Variants in PPM1M observed in about 807,000 individuals in gnomAD.
PPM1M encodes protein phosphatase, Mg2+/Mn2+ dependent 1M.
PPM1M carries 44 observed loss-of-function variants against 50.8 expected under a neutral mutation model. The ratio of observed to expected loss-of-function variants is 0.87; its 90% CI spans 0.68 to 1.11. The LOEUF (loss-of-function observed/expected upper bound fraction) is 1.11, where lower values mean the gene tolerates loss of function less well. PPM1M is among the 50% of genes most tolerant of loss of function. The pLI, the probability that PPM1M is intolerant of heterozygous loss-of-function variation, is 0.00. For synonymous variants in PPM1M, 224 were observed against 242.9 expected (o/e 0.92, Z 0.72); for missense variants, 556 against 593.4 (o/e 0.94, Z 0.66).
Position 52,248,364 on chromosome 3 carries a change from T to A in PPM1M, c.825T>A (p.Gly275=). 6.2e-7 allele frequency: 1 copy of A among 1,613,058 alleles called. No individual in the cohort carries two copies. The highest frequency in any genetic ancestry group is 8.5e-7 in the Non-Finnish European group (1 of 1,179,538). Residue 275 remains glycine, a synonymous_variant, in exon 6 of 10, where the codon GGT becomes GGA. Transcript: ENST00000323588. The part of the protein sequence containing the change: ...LAFVYPELLA[G]EFTRLEFPRR... ...TTGTCTATCCTGAGCTTCTGGCTGGTGAGTTCACCCGACTGGAGTTCCCTC... is the reference window on the plus strand; with the variant it reads ...TTGTCTATCCTGAGCTTCTGGCTGGAGAGTTCACCCGACTGGAGTTCCCTC...
At chr3:52,248,097 C>A in intron 4 of PPM1M, 56 bp from the exon 5 acceptor site, 1 of 1,467,908 alleles carries the variant, frequency 6.8e-7, no homozygotes, top group Non-Finnish European at 9.4e-7. Flanking sequence ...AGGAGGGTGG[C>A]CATGGGTGAG....
In PPM1M at chr3:52,248,364, T is replaced by G. The variant is rs1577996925; in HGVS notation, c.825T>G (p.Gly275=). ...TTGTCTATCCTGAGCTTCTGGCTGG[T>G]GAGTTCACCCGACTGGAGTTCCCTC... The part of the protein sequence containing the change: ...LAFVYPELLA[G]EFTRLEFPRR... The change falls in exon 6 of 10, where the codon GGT becomes GGG. Residue 275 remains glycine (G), a synonymous_variant. Coordinates refer to ENST00000323588, the MANE Select transcript of PPM1M (RefSeq NM_144641.4). 2 of 1,613,058 alleles carry G rather than the reference T, an allele frequency of 1.2e-6. No individual in the cohort carries two copies. The highest frequency in any genetic ancestry group is 1.7e-6 in the Non-Finnish European group (2 of 1,179,538).
chr3:52,248,956 G>A lies in PPM1M; in HGVS notation c.979G>A (p.Ala327Thr), dbSNP rs1221828507. 6.2e-6 allele frequency: 10 copies of A among 1,601,842 alleles called. No individual in the cohort carries two copies. Among genetic ancestry groups the A allele is most frequent in the Non-Finnish European group, 8.5e-6 (10 of 1,173,976 alleles). The stretch of plus-strand genomic sequence containing the variant: ...CGCCTCACACCTCACTTTCCCTCAG[G>A]CTCGGTTACTAGGAACACTGGCTGT... ...YPLIHGQGRQARLLGTLAVSR... is the reference protein window; with the variant it reads ...YPLIHGQGRQTRLLGTLAVSR... The change falls in exon 8 of 10, where the codon GCT becomes ACT. Residue 327 changes from alanine to threonine, a missense_variant and splice_region_variant. By Grantham distance (58) the Ala-to-Thr change is moderately conservative. Coordinates refer to ENST00000323588, the MANE Select transcript of PPM1M (RefSeq NM_144641.4).
intron 9 of PPM1M, 45 bp downstream of exon 9, chr3:52,249,367 GC>G (rs1699922813): frequency 6.4e-7 from 1 of 1,561,190 alleles, no homozygotes; most frequent in Non-Finnish European, 8.7e-7. Flanking sequence ...GTTGGTGCCA[GC>G]AGCAAGCCCA....
At position 52,249,738 on chromosome 3, in the gene PPM1M, G is replaced by A. The variant is rs1385992125; in HGVS notation, c.1304G>A (p.Gly435Glu). The part of the protein sequence containing the change: ...QGKEDSLTEE[G>E]QVSYDDVSVF... ...AAGGAAGACAGTCTCACAGAGGAAGGGCAGGTGTCCTACGATGACGTCTCT... is the reference window on the plus strand; with the variant it reads ...AAGGAAGACAGTCTCACAGAGGAAGAGCAGGTGTCCTACGATGACGTCTCT... The change falls in exon 10 of 10, where the codon GGG becomes GAG. Residue 435 changes from glycine (G) to glutamate (E), a missense_variant. Gly to Glu is a moderately conservative substitution (Grantham distance 98, BLOSUM62 -2). Transcript: ENST00000323588. The A allele has an allele frequency of 1.2e-6, 2 of 1,613,944 alleles. No homozygotes were observed. The highest frequency in any genetic ancestry group is 4.5e-5 in the East Asian group (2 of 44,880).
intron 4 of PPM1M, 139 bp downstream of exon 4, chr3:52,247,933 C>T (rs1232760596): frequency 8.1e-6 from 6 of 740,748 alleles, no homozygotes; most frequent in East Asian, 2.7e-5. Context: ...TGTTATGTGT[C>T]GAGTGTGGAC....
intron 9 of PPM1M, 24 bp from the exon 10 acceptor site, chr3:52,249,646 C>CT (rs765074484): frequency 1.2e-6 from 2 of 1,613,040 alleles, no homozygotes. Flanking sequence ...CCCCTGAAGT[C>CT]TATCTGCAGG....
In PPM1M at chr3:52,249,057, GC is replaced by G; in HGVS notation, c.1082del (p.Pro361HisfsTer3). ...AGCTCAAGCCCTTCTTGCTCTCTGTGCCACAGGTAAGGGGGCAACGCTGTCC... is the reference window on the plus strand; with the variant it reads ...AGCTCAAGCCCTTCTTGCTCTCTGTGCACAGGTAAGGGGGCAACGCTGTCC... ...IQLKPFLLSV[P>X]QVTVLDVDQL... On this transcript the variant is annotated frameshift_variant, in exon 8 of 10. Coordinates refer to ENST00000323588, the MANE Select transcript of PPM1M (RefSeq NM_144641.4). LOFTEE classifies it high-confidence loss of function. 6.2e-7 allele frequency: 1 copy of G among 1,609,798 alleles called. No individual in the cohort carries two copies. The highest frequency in any genetic ancestry group is 8.5e-7 in the Non-Finnish European group (1 of 1,178,018).
At chr3:52,247,886 A>T in intron 4 of PPM1M, 92 bp downstream of exon 4, 7 of 849,234 alleles carry the variant, frequency 8.2e-6, no homozygotes, top group Non-Finnish European at 1.3e-5. Context: ...GTGGAGGGAT[A>T]GTAGGAAGGA....
Position 52,247,274 on chromosome 3 carries a change from C to T in PPM1M, c.597+46C>T, listed in dbSNP as rs371486204. On this transcript the variant is annotated intron_variant, in intron 3 of 9. Transcript: ENST00000323588. ...TGGGGAAGAAGTGGAGATTTTGCCC[C>T]GGGGATCTCAGGAAATGGCATCTCT... The T allele has an allele frequency of 8.9e-4, 1,387 of 1,558,790 alleles. 4 individuals are homozygous for T. The highest frequency in any genetic ancestry group is 1.2e-3 in the Middle Eastern group (7 of 5,936).
At chr3:52,249,634 T>TGC (rs1222033572) in intron 9 of PPM1M, 36 bp from the exon 10 acceptor site, 12 of 1,610,980 alleles carry the variant, frequency 7.4e-6, no homozygotes, top group African/African-American at 1.3e-5. Context: ...CCCTTTGCTC[T>TGC]GCCCCTGAAG....
At position 52,247,092 on chromosome 3, in the gene PPM1M, G is replaced by T. The variant is rs1354952589; in HGVS notation, c.461G>T (p.Gly154Val). Residue 154 changes from glycine to valine, a missense_variant, in exon 3 of 10, where the codon GGC becomes GTC. By Grantham distance (109) the Gly-to-Val change is moderately radical. Transcript: ENST00000323588. ...CGGCAGCTGGAGGCCGTGGTGGAAG[G>T]CTTGGTGGCCACTCAGCCCCCCATG... ...LRRQLEAVVEGLVATQPPMHL... is the reference protein window; with the variant it reads ...LRRQLEAVVEVLVATQPPMHL... 6.3e-7 allele frequency: 1 copy of T among 1,591,798 alleles called. No individual in the cohort carries two copies. Among genetic ancestry groups the T allele is most frequent in the Non-Finnish European group, 8.6e-7 (1 of 1,169,338 alleles).
intron 3 of PPM1M, 159 bp downstream of exon 3, chr3:52,247,387 C>A: frequency 9.6e-7 from 1 of 1,044,358 alleles, no homozygotes; most frequent in Non-Finnish European, 1.4e-6. Context: ...TCACTATCAG[C>A]ATAACCCCTC....
rs115197579 is a variant in PPM1M at position 52,246,955 on chromosome 3, C to T, written c.343-19C>T. 0.016 allele frequency: 23,862 copies of T among 1,530,536 alleles called. 245 individuals are homozygous for T. Among genetic ancestry groups the T allele is most frequent in the Non-Finnish European group, 0.019 (22,034 of 1,136,086 alleles). The allele number at this position is 1,530,536 out of a possible 1,614,324, so 94.8% of individuals were successfully genotyped here. On this transcript the variant is annotated intron_variant, in intron 2 of 9. Coordinates refer to ENST00000323588, the MANE Select transcript of PPM1M (RefSeq NM_144641.4). ...TGGGGAAGTCAGGCAGAGGCTGACA[C>T]TGAGCCCTTCCTGTGCAGTTCCTGA...
chr3:52,248,539 C>T, intron 6 of PPM1M, 86 bp downstream of exon 6: 1 of 1,577,042 alleles, frequency 6.3e-7, no homozygotes. Context: ...TCCACCTTGG[C>T]AGGGTGGCAC....
intron 2 of PPM1M, 68 bp downstream of exon 2, chr3:52,246,880 G>A: frequency 6.7e-7 from 1 of 1,503,718 alleles, no homozygotes; most frequent in Non-Finnish European, 9.0e-7. Flanking sequence ...GCAGGCTGAG[G>A]TTCTTACCCT....
intron 3 of PPM1M, 127 bp from the exon 4 acceptor site, chr3:52,247,555 C>T: frequency 2.8e-6 from 2 of 720,010 alleles, no homozygotes; most frequent in Non-Finnish European, 4.8e-6. Context: ...GGAGGTATGG[C>T]TGGACTTTGG....
Position 52,249,665 on chromosome 3 carries a change from C to T in PPM1M, c.1236-5C>T, listed in dbSNP as rs1490555998. On this transcript the variant is annotated splice_region_variant and splice_polypyrimidine_tract_variant and intron_variant, in intron 9 of 9. Transcript: ENST00000323588. ...TGAAGTCTATCTGCAGGATGGTCTT[C>T]ACAGGTTCTCAAAGCTGGCCCAGAT... The T allele has an allele frequency of 6.2e-7, 1 of 1,613,806 alleles. No individual in the cohort carries two copies. The highest frequency in any genetic ancestry group is 1.1e-5 in the South Asian group (1 of 91,062).
At chr3:52,248,056 CTGGATCCTGGTGGTTGG>C in intron 4 of PPM1M, 80 bp from the exon 5 acceptor site, 3 of 1,063,146 alleles carry the variant, frequency 2.8e-6, no homozygotes, top group Non-Finnish European at 2.8e-6. Flanking sequence ...ATGGACAGAG[CTGGATCCTGGTGGTTGG>C]AGGAGGGACT....
Sources: gnomAD v4.1 joint callset for allele counts on GRCh38, gnomAD v4.1.1 for gene constraint, MANE v1.5 for transcripts, NCBI Gene and HGNC (gene_info 2026-07-23, HGNC 2026-07-21) for gene names.